The following NCK2 variants were observed in gnomAD, a reference collection of about 807,000 sequenced individuals.
NCK2 encodes the protein cytoplasmic protein NCK2.
In NCK2, 16 loss-of-function variants were observed where a neutral mutation model predicts 33.9. The observed-to-expected ratio is 0.47, with a 90% CI of 0.32 to 0.72. The LOEUF is 0.72. Ranked by LOEUF, NCK2 falls within the 30% of genes least tolerant of loss-of-function variation. The pLI is 0.03. For synonymous variants in NCK2, 273 were observed against 239.9 expected (o/e 1.14, Z -1.27); for missense variants, 418 against 537.3 (o/e 0.78, Z 2.19).
At chr2:105,817,175 C>CAA (rs10639030) in intron 2 of NCK2, among the ~76,000 whole-genome samples, 109,459 of 136,054 alleles carry the variant, frequency 0.8, 44,049 homozygotes, top group East Asian at 0.86. Flanking sequence ...GACTTGGTCT[C>CAA]AAAAAAAAAA....
rs148239532 is a variant in NCK2 at position 105,872,856 on chromosome 2, G to C, written c.227-8472G>C. On this transcript the variant is annotated intron_variant, in intron 3 of 4. Coordinates refer to ENST00000233154, the MANE Select transcript of NCK2 (RefSeq NM_003581.5). Reference sequence around the variant, plus strand: ...ATGATTCGGAGAAATCTCTGAAAAAGTAACTGAGTCCCCTTTCTCCTTCAT... The same window carrying C: ...ATGATTCGGAGAAATCTCTGAAAAACTAACTGAGTCCCCTTTCTCCTTCAT... Among the ~76,000 whole-genome samples the C allele has an allele frequency of 2.9e-3, 449 of 152,330 alleles. 1 individual carries two copies. The highest frequency in any genetic ancestry group is 9.7e-3 in the African/African-American group (404 of 41,588).
chr2:105,891,529 C>G (rs1678976909), intron 4 of NCK2, among the ~76,000 whole-genome samples: 1 of 133,322 alleles, frequency 7.5e-6, no homozygotes, highest in Admixed American at 8.1e-5. Context: ...AGATAAAAGA[C>G]CAATTTTTTT....
intron 4 of NCK2, among the ~76,000 whole-genome samples, chr2:105,882,375 C>T (rs750411829): frequency 6.6e-6 from 1 of 152,142 alleles, no homozygotes. Context: ...ATTCTGTGTA[C>T]GTAGAAGGCC....
At chr2:105,878,204 A>G (rs903518027) in intron 3 of NCK2, among the ~76,000 whole-genome samples, 1 of 152,238 alleles carries the variant, frequency 6.6e-6, no homozygotes, top group Non-Finnish European at 1.5e-5. Flanking sequence ...AAGGGTAATC[A>G]TTGTTATCCA....
At chr2:105,856,460 T>C (rs532734488) in intron 3 of NCK2, among the ~76,000 whole-genome samples, 1 of 152,332 alleles carries the variant, frequency 6.6e-6, no homozygotes, top group South Asian at 2.1e-4. Context: ...TAAAAAAATT[T>C]CTAACAAGAG....
chr2:105,751,976 C>A (rs1256445436), intron 1 of NCK2, among the ~76,000 whole-genome samples: 1 of 151,936 alleles, frequency 6.6e-6, no homozygotes, highest in African/African-American at 2.4e-5. Flanking sequence ...ATATTTTGCC[C>A]AATATATATA....
chr2:105,844,574 CAA>C (rs748327037), intron 2 of NCK2, among the ~76,000 whole-genome samples: 1,736 of 134,052 alleles, frequency 0.013, 30 homozygotes, highest in African/African-American at 0.045. Flanking sequence ...TAGAAAAAAA[CAA>C]AAAAAAAAAA....
At chr2:105,746,250 C>T (rs2104315767) in intron 1 of NCK2, among the ~76,000 whole-genome samples, 1 of 152,266 alleles carries the variant, frequency 6.6e-6, no homozygotes, top group East Asian at 1.9e-4. Context: ...CAGGAGGGGG[C>T]CTAAAATATC....
chr2:105,848,659 G>C (rs1265092419), intron 2 of NCK2: 1 of 152,144 alleles, frequency 6.6e-6, no homozygotes, highest in Non-Finnish European at 1.5e-5. Context: ...GTGTGCTTTA[G>C]ATTCAGTAAA....
At chr2:105,831,617 C>T (rs1048766646) in intron 2 of NCK2, among the ~76,000 whole-genome samples, 6 of 152,020 alleles carry the variant, frequency 3.9e-5, no homozygotes, top group East Asian at 1.9e-4. Context: ...TATGGATATC[C>T]GGTTTTCCTA....
At chr2:105,820,682 A>G (rs1675692133) in intron 2 of NCK2, among the ~76,000 whole-genome samples, 1 of 152,214 alleles carries the variant, frequency 6.6e-6, no homozygotes, top group South Asian at 2.1e-4. Context: ...TGTGTACTTG[A>G]AAAGTGACTG....
At chr2:105,777,035 G>T (rs1690327640) in intron 1 of NCK2, among the ~76,000 whole-genome samples, 1 of 151,826 alleles carries the variant, frequency 6.6e-6, no homozygotes, top group Non-Finnish European at 1.5e-5. Flanking sequence ...GAAAGCTGCC[G>T]CTGTCCCTAG....
intron 1 of NCK2, among the ~76,000 whole-genome samples, chr2:105,796,574 C>T (rs17031793): frequency 0.13 from 19,747 of 152,088 alleles, 1,480 homozygotes; most frequent in South Asian, 0.22. Flanking sequence ...AGATCGGCAG[C>T]GTCTGGACTG....
chr2:105,842,121 C>T (rs1042382521), intron 2 of NCK2, among the ~76,000 whole-genome samples: 1 of 151,580 alleles, frequency 6.6e-6, no homozygotes, highest in East Asian at 1.9e-4. Flanking sequence ...GAGTTTCTCT[C>T]GTTTCCCAGG....
intron 1 of NCK2, among the ~76,000 whole-genome samples, chr2:105,803,621 C>T (rs184478181): frequency 2.2e-4 from 33 of 149,718 alleles, no homozygotes; most frequent in Admixed American, 9.2e-4. Context: ...GTCCTCATGC[C>T]CCTGCATCAT....
intron 3 of NCK2, among the ~76,000 whole-genome samples, chr2:105,874,331 A>G (rs962190216): frequency 6.6e-6 from 1 of 152,258 alleles, no homozygotes; most frequent in African/African-American, 2.4e-5. Context: ...TGACTCTTAT[A>G]TGGAAATGTA....
intron 2 of NCK2, among the ~76,000 whole-genome samples, chr2:105,838,257 T>G (rs939028577): frequency 6.6e-6 from 1 of 152,204 alleles, no homozygotes; most frequent in South Asian, 2.1e-4. Context: ...AATTAAATTT[T>G]GGAGTTGATA....
rs1178579083 is a variant in NCK2, at chr2:105,881,630, C to G, written c.529C>G (p.Pro177Ala). Residue 177 changes from proline to alanine, a missense_variant, in exon 4 of 5, where the codon CCA (proline) becomes GCA (alanine). By Grantham distance (27) the Pro-to-Ala change is conservative (BLOSUM62 -1). Coordinates refer to ENST00000233154, the MANE Select transcript of NCK2 (RefSeq NM_003581.5). ...GGTGGACGAGGCGGCTGCGGAGTCCCCAAGCTTCCTGAGCCTGCGCAAGGG... is the reference window on the plus strand; with the variant it reads ...GGTGGACGAGGCGGCTGCGGAGTCCGCAAGCTTCCTGAGCCTGCGCAAGGG... ...EEVDEAAAES[P>A]SFLSLRKGAS... is the part of the protein sequence containing the mutation. 4.3e-6 allele frequency: 7 copies of G among 1,613,528 alleles called. No individual in the cohort carries two copies. Among genetic ancestry groups the G allele is most frequent in the East Asian group, 2.2e-5 (1 of 44,892 alleles).
intron 3 of NCK2, among the ~76,000 whole-genome samples, chr2:105,866,501 G>A (rs1034941270): frequency 6.6e-6 from 1 of 152,186 alleles, no homozygotes; most frequent in Non-Finnish European, 1.5e-5. Context: ...AGGTGGGGGC[G>A]ATGGTTTCGG....
Sources: gnomAD v4.1 joint callset for allele counts (sites outside exome capture counted in the v4.1 genomes callset) on GRCh38, gnomAD v4.1.1 for gene constraint, MANE v1.5 for transcripts, NCBI Gene and HGNC (gene_info 2026-07-23, HGNC 2026-07-21) for gene names.